Variants in COL9A2 observed in about 807,000 individuals in gnomAD.
COL9A2 encodes collagen alpha-2(IX) chain.
In COL9A2, 66 loss-of-function variants were observed where a neutral mutation model predicts 111.6. That is an observed-to-expected ratio of 0.59 (90% CI 0.48 to 0.73). The LOEUF is 0.73. COL9A2 is among the 30% of genes least tolerant of loss of function. The probability of loss-of-function intolerance (pLI) is 0.00; values close to 1 mark genes in which losing one functional copy is unlikely to be tolerated. For missense variants in COL9A2, 881 were observed against 954.1 expected (o/e 0.92, Z 1.01); for synonymous variants, 353 against 364.1 (o/e 0.97, Z 0.35).
At position 40,311,568 on chromosome 1, in the gene COL9A2, G is replaced by A. The variant is rs759896242; in HGVS notation, c.472-21C>T. ...CGACCCTGAGAGGAGACATGAAGATGGAGCTTGGCCTGACCCTTTCCCGCC... is the reference window on the plus strand; with the variant it reads ...CGACCCTGAGAGGAGACATGAAGATAGAGCTTGGCCTGACCCTTTCCCGCC... On this transcript the variant is annotated intron_variant, in intron 9 of 31. Coordinates refer to ENST00000372748, the MANE Select transcript of COL9A2 (RefSeq NM_001852.4). This position sits in a 1 kb window ranked among gnomAD's most constrained non-coding sequence, Gnocchi z 5.1. 4 of 1,613,698 alleles carry A rather than the reference G, an allele frequency of 2.5e-6. No homozygotes were observed. The East Asian group carries it at 8.9e-5, about 36-fold the overall frequency.
rs1321761628 is a variant in COL9A2 at position 40,309,897 on chromosome 1, C to A, written c.846+41G>T. On this transcript the variant is annotated intron_variant, in intron 16 of 31. Coordinates refer to ENST00000372748, the MANE Select transcript of COL9A2 (RefSeq NM_001852.4). ...GGGTGCCTTGTCCTGCCCAGTACTC[C>A]CCAGGGGTCCTGACTGAACAATGGG... is the stretch of plus-strand genomic sequence containing the variant. The A allele has an allele frequency of 2.5e-6, 4 of 1,609,930 alleles. No individual in the cohort carries two copies. The Admixed American group carries it at 5.0e-5, about 20-fold the overall frequency.
In COL9A2 at chr1:40,310,662, AG is replaced by A; in HGVS notation, c.684+51del. On this transcript the variant is annotated intron_variant, in intron 13 of 31. Transcript: ENST00000372748. The surrounding 1 kb of genome is among the most constrained non-coding windows in gnomAD (Gnocchi z 4.9). ...CCTGAGCAGGGGAATGACTCCATGA[AG>A]GGCTCCTGGGGTGAGGGAGAAGAGG... 1 of 1,470,540 alleles carries A rather than the reference AG, an allele frequency of 6.8e-7. No homozygotes were observed. Among genetic ancestry groups the A allele is most frequent in the Non-Finnish European group, 9.3e-7 (1 of 1,070,464 alleles). 91.1% of individuals were successfully genotyped at this position (1,470,540 alleles called of 1,614,324 possible).
At chr1:40,304,907 C>A (rs1644000558) in intron 21 of COL9A2, 60 bp from the exon 22 acceptor site, 2 of 1,453,626 alleles carry the variant, frequency 1.4e-6, no homozygotes, top group Non-Finnish European at 1.9e-6. Flanking sequence ...CCTTCCACAC[C>A]TGGCCAGCCC....
chr1:40,304,727 T>A (rs1212253673), intron 22 of COL9A2, 67 bp downstream of exon 22: 2 of 1,472,292 alleles, frequency 1.4e-6, no homozygotes, highest in Non-Finnish European at 1.9e-6. Context: ...ACGGAGCAGA[T>A]GCTGTATCCA....
rs532245458 is a variant in COL9A2, at chr1:40,311,377, G to A, written c.520-91C>T. On this transcript the variant is annotated intron_variant, in intron 10 of 31. Coordinates refer to ENST00000372748, the MANE Select transcript of COL9A2 (RefSeq NM_001852.4). This position sits in a 1 kb window ranked among gnomAD's most constrained non-coding sequence, Gnocchi z 5.1. ...CCCGTGCTCTCCTCCGCCTCACCTG[G>A]TGGAACCCCTGCACTGCAGCCCCTC... is the stretch of plus-strand genomic sequence containing the variant. The A allele has an allele frequency of 2.3e-4, 363 of 1,574,924 alleles. No individual in the cohort carries two copies. The highest frequency in any genetic ancestry group is 4.2e-4 in the Admixed American group (24 of 56,482).
Position 40,307,828 on chromosome 1 carries a change from CCT to C in COL9A2, c.901-74_901-73del. 1 of 1,510,926 alleles carries C rather than the reference CCT, an allele frequency of 6.6e-7. No individual in the cohort carries two copies. The highest frequency in any genetic ancestry group is 9.2e-7 in the Non-Finnish European group (1 of 1,090,270). 93.6% of individuals were successfully genotyped at this position (1,510,926 alleles called of 1,614,324 possible). On this transcript the variant is annotated intron_variant, in intron 17 of 31. Transcript: ENST00000372748. The surrounding 1 kb of genome is among the most constrained non-coding windows in gnomAD (Gnocchi z 4.8). ...TGGGGTCTGGCCACCCACCCCTGTT[CCT>C]CTGAGACAGCTGCAGTGTGCAGGGA...
rs1228781607 is a variant in COL9A2, at chr1:40,302,525, G to A, written c.1792+96C>T. 2 of 1,364,478 alleles carry A rather than the reference G, an allele frequency of 1.5e-6. No homozygotes were observed. Among genetic ancestry groups the A allele is most frequent in the African/African-American group, 1.4e-5 (1 of 69,284 alleles). The allele number at this position is 1,364,478 out of a possible 1,614,324, so 84.5% of individuals were successfully genotyped here. A position where few individuals can be genotyped will look rare whatever the true frequency, so the allele number is the denominator to read the frequency against. ...CCATGTGGCTGAGGAACCGGGGAAG[G>A]GTCTGTATGTCATCCTGAGAAGGGA... On this transcript the variant is annotated intron_variant, in intron 30 of 31. Coordinates refer to ENST00000372748, the MANE Select transcript of COL9A2 (RefSeq NM_001852.4). This position sits in a 1 kb window ranked among gnomAD's most constrained non-coding sequence, Gnocchi z 4.5.
rs1364481322 is a variant in COL9A2, at chr1:40,302,241, G to C, written c.1793-352C>G. Among the ~76,000 whole-genome samples the C allele has an allele frequency of 6.6e-6, 1 of 152,096 alleles. No homozygotes were observed. The highest frequency in any genetic ancestry group is 1.9e-4 in the East Asian group (1 of 5,184). On this transcript the variant is annotated intron_variant, in intron 30 of 31. Transcript: ENST00000372748. This position sits in a 1 kb window ranked among gnomAD's most constrained non-coding sequence, Gnocchi z 4.5. Reference sequence around the variant, plus strand: ...CCCATTTTACAGATAGTAAACCTAAGGCCCAGGGAAATTAGCAGGTAACTC... The same window carrying C: ...CCCATTTTACAGATAGTAAACCTAACGCCCAGGGAAATTAGCAGGTAACTC...
rs1569763878 is a variant in COL9A2, at chr1:40,314,476, G to A, written c.151-89C>T. On this transcript the variant is annotated intron_variant, in intron 2 of 31. Transcript: ENST00000372748. The surrounding 1 kb of genome is among the most constrained non-coding windows in gnomAD (Gnocchi z 4.1). ...AGGCCCTGGCAGGCCGCTCCCAAAG[G>A]CTCTCCTCACTCTCCTCTCTTCTGT... 2.0e-6 allele frequency: 3 copies of A among 1,490,296 alleles called. No homozygotes were observed. Among genetic ancestry groups the A allele is most frequent in the East Asian group, 2.3e-5 (1 of 44,210 alleles). 92.3% of individuals were successfully genotyped at this position (1,490,296 alleles called of 1,614,324 possible).
rs542393427 is a variant in COL9A2, at chr1:40,304,994, C to T, written c.1108-147G>A. 302 of 611,714 alleles carry T rather than the reference C, an allele frequency of 4.9e-4. 1 individual carries two copies. Among genetic ancestry groups the T allele is most frequent in the African/African-American group, 4.9e-3 (263 of 54,220 alleles). The allele number at this position is 611,714 out of a possible 1,614,324, so 37.9% of individuals were successfully genotyped here. On this transcript the variant is annotated intron_variant, in intron 21 of 31. Transcript: ENST00000372748. The stretch of plus-strand genomic sequence containing the variant: ...ACCACCTGTTCCATGGTTTTGGGTC[C>T]CTGTAGTTTTCTTTCAAAGGACCCA...
chr1:40,311,414 A>G lies in COL9A2; in HGVS notation c.519+86T>C, dbSNP rs1243542805. On this transcript the variant is annotated intron_variant, in intron 10 of 31. Transcript: ENST00000372748. The surrounding 1 kb of genome is among the most constrained non-coding windows in gnomAD (Gnocchi z 5.1). ...CACTGCAGCCCCTCCCCATCTCTCC[A>G]GACACCCCCATCTCCGTGGCCCCGC... 2.3e-5 allele frequency: 36 copies of G among 1,564,148 alleles called. No individual in the cohort carries two copies. Among genetic ancestry groups the G allele is most frequent in the Non-Finnish European group, 3.0e-5 (35 of 1,149,310 alleles).
At chr1:40,309,435 A>G (rs763193236) in intron 16 of COL9A2, among the ~76,000 whole-genome samples, 84 of 130,722 alleles carry the variant, frequency 6.4e-4, no homozygotes, top group Non-Finnish European at 1.1e-3. Flanking sequence ...ATTAATTGGG[A>G]AAAAAAAAAA....
intron 19 of COL9A2, among the ~76,000 whole-genome samples, 197 bp from the exon 20 acceptor site, chr1:40,306,384 T>C (rs1449350554): frequency 2.0e-5 from 3 of 152,194 alleles, no homozygotes; most frequent in African/African-American, 7.2e-5. Flanking sequence ...GAATGGCCTG[T>C]CTTCCAGGAC....
At chr1:40,304,962 T>C in intron 21 of COL9A2, 115 bp from the exon 22 acceptor site, 2 of 803,054 alleles carry the variant, frequency 2.5e-6, no homozygotes, top group South Asian at 3.5e-5. Flanking sequence ...CAGGGAAGGT[T>C]TCCCAGACCA....
Position 40,314,527 on chromosome 1 carries a change from T to A in COL9A2, c.151-140A>T. On this transcript the variant is annotated intron_variant, in intron 2 of 31. Transcript: ENST00000372748. This position sits in a 1 kb window ranked among gnomAD's most constrained non-coding sequence, Gnocchi z 4.1. ...CCAGGTCCCCTAAGCCTTGCAATCT[T>A]TGGGAAAAGAGCCCCCTTTTCCTCA... 9.7e-7 allele frequency: 1 copy of A among 1,027,170 alleles called. No individual in the cohort carries two copies. Among genetic ancestry groups the A allele is most frequent in the South Asian group, 1.3e-5 (1 of 75,786 alleles). 63.6% of individuals were successfully genotyped at this position (1,027,170 alleles called of 1,614,324 possible). A position where few individuals can be genotyped will look rare whatever the true frequency, so the allele number is the denominator to read the frequency against.
chr1:40,304,506 T>C lies in COL9A2; in HGVS notation c.1185A>G (p.Pro395=). Residue 395 remains proline, a synonymous_variant, in exon 23 of 32, where the codon CCA becomes CCG. Transcript: ENST00000372748. ...TTCCCTGAGGGCCTGGTTGCCCCAC[T>C]GGACCCCTCTCGCCTTGGTCACCCT... ...GQKGDQGERG[P]VGQPGPQGRQ... 6.2e-7 allele frequency: 1 copy of C among 1,614,176 alleles called. No individual in the cohort carries two copies. The highest frequency in any genetic ancestry group is 8.5e-7 in the Non-Finnish European group (1 of 1,180,018).
In COL9A2 at chr1:40,311,023, G is replaced by A; in HGVS notation, c.630+70C>T. 6.3e-7 allele frequency: 1 copy of A among 1,590,394 alleles called. No individual in the cohort carries two copies. ...CCACAGGGGAAGGGGAAGGGACGAA[G>A]AAGGGGACAGAGCCCTGTAGGACCA... On this transcript the variant is annotated intron_variant, in intron 12 of 31. Transcript: ENST00000372748. The surrounding 1 kb of genome is among the most constrained non-coding windows in gnomAD (Gnocchi z 5.1).
Position 40,311,229 on chromosome 1 carries a change from C to T in COL9A2, c.576+1G>A, listed in dbSNP as rs2124088336. 6.2e-7 allele frequency: 1 copy of T among 1,614,212 alleles called. No individual in the cohort carries two copies. Among genetic ancestry groups the T allele is most frequent in the Middle Eastern group, 1.6e-4 (1 of 6,062 alleles). On this transcript the variant is annotated splice_donor_variant, in intron 11 of 31. Coordinates refer to ENST00000372748, the MANE Select transcript of COL9A2 (RefSeq NM_001852.4). LOFTEE classifies it high-confidence loss of function. This position sits in a 1 kb window ranked among gnomAD's most constrained non-coding sequence, Gnocchi z 5.1. ...CCAAGATTCAGGCCAGGAGCTCTCA[C>T]CTTCACTCCCTGCAGCCCTGGGGGA... is the stretch of plus-strand genomic sequence containing the variant.
At position 40,311,474 on chromosome 1, in the gene COL9A2, G is replaced by A; in HGVS notation, c.519+26C>T. The A allele has an allele frequency of 1.0e-5, 10 of 972,966 alleles. No homozygotes were observed. The highest frequency in any genetic ancestry group is 1.6e-5 in the Non-Finnish European group (10 of 637,474). 60.3% of individuals were successfully genotyped at this position (972,966 alleles called of 1,614,324 possible). On this transcript the variant is annotated intron_variant, in intron 10 of 31. Transcript: ENST00000372748. The surrounding 1 kb of genome is among the most constrained non-coding windows in gnomAD (Gnocchi z 5.1). Reference sequence around the variant, plus strand: ...TCTGTGGCCCCGCCCCCCTGTGTTAGCCCCGCCCCAGACCTCGTCTCTCAC... The same window carrying A: ...TCTGTGGCCCCGCCCCCCTGTGTTAACCCCGCCCCAGACCTCGTCTCTCAC...
Sources: gnomAD v4.1 joint callset for allele counts (sites outside exome capture counted in the v4.1 genomes callset) on GRCh38, gnomAD v4.1.1 for gene constraint, Gnocchi (gnomAD v3.1) non-coding constraint, MANE v1.5 for transcripts, NCBI Gene and HGNC (gene_info 2026-07-23, HGNC 2026-07-21) for gene names.